AGBL3: variants seen among roughly 807,000 people sequenced by gnomAD.
AGBL3 encodes cytosolic carboxypeptidase 3.
A neutral mutation model predicts 94.5 loss-of-function variants in AGBL3; 68 were observed. The observed-to-expected ratio is 0.72, with a 90% CI of 0.59 to 0.88. The LOEUF is 0.88. Among genes scored for constraint, AGBL3 ranks in the 40% least tolerant of loss-of-function variants. The probability of loss-of-function intolerance (pLI) is 0.00; values close to 1 mark genes in which losing one functional copy is unlikely to be tolerated. For synonymous variants in AGBL3, 354 were observed against 370.7 expected (o/e 0.95, Z 0.52); for missense variants, 934 against 1,103.8 (o/e 0.85, Z 2.18).
intron 14 of AGBL3, among the ~76,000 whole-genome samples, chr7:135,081,402 G>A (rs576889470): frequency 3.3e-5 from 5 of 152,012 alleles, no homozygotes; most frequent in Admixed American, 2.0e-4. Context: ...CACCCCCAGT[G>A]TTAAACTTAC....
intron 15 of AGBL3, among the ~76,000 whole-genome samples, chr7:135,098,268 T>C (rs998163755): frequency 1.3e-5 from 2 of 152,190 alleles, no homozygotes; most frequent in Non-Finnish European, 2.9e-5. Context: ...TACCAAAATC[T>C]GCATATGCTC....
In AGBL3 at chr7:135,066,808, G is replaced by A. The variant is rs552972640; in HGVS notation, c.1908+7573G>A. Among the ~76,000 whole-genome samples, 14 of 152,328 alleles carry A rather than the reference G, an allele frequency of 9.2e-5. No homozygotes were observed. The South Asian group carries it at 2.9e-3, about 32-fold the overall frequency. ...AGCTCCAGTCTACAGTTCCCAGTGT[G>A]AGCGACGCAGAAGACAGGTGATTTC... On this transcript the variant is annotated intron_variant, in intron 12 of 16. Coordinates refer to ENST00000436302, the MANE Select transcript of AGBL3 (RefSeq NM_178563.4).
rs1015658261 is a variant in AGBL3 at position 135,009,939 on chromosome 7, C to A, written c.311-7113C>A. The A allele has an allele frequency of 1.1e-4, 42 of 389,352 alleles. 1 individual carries two copies. The Middle Eastern group carries it at 2.7e-3, about 25-fold the overall frequency. The allele number at this position is 389,352 out of a possible 1,614,324, so 24.1% of individuals were successfully genotyped here. Reference sequence around the variant, plus strand: ...GACTTTGGAGCATTTGGTTGCCCTGCAACCTCTTCTATGGTGGGTTGGCGA... The same window carrying A: ...GACTTTGGAGCATTTGGTTGCCCTGAAACCTCTTCTATGGTGGGTTGGCGA... On this transcript the variant is annotated intron_variant, in intron 4 of 16. Coordinates refer to ENST00000436302, the MANE Select transcript of AGBL3 (RefSeq NM_178563.4).
At chr7:135,128,996 CAA>C in intron 16 of AGBL3, 1 of 1,598,350 alleles carries the variant, frequency 6.3e-7, no homozygotes, top group South Asian at 1.1e-5. Context: ...ATGTGTACTG[CAA>C]AGACTGTCTG....
chr7:135,030,158 TAAAAA>T (rs74392929), intron 5 of AGBL3, among the ~76,000 whole-genome samples: 2 of 117,422 alleles, frequency 1.7e-5, no homozygotes, highest in African/African-American at 6.1e-5. Flanking sequence ...TTTAATTTGT[TAAAAA>T]AAAAAAAAAA....
chr7:135,034,918 A>G lies in AGBL3; in HGVS notation c.1327A>G (p.Met443Val), dbSNP rs775951620. The G allele has an allele frequency of 4.0e-6, 6 of 1,511,150 alleles. No homozygotes were observed. The highest frequency in any genetic ancestry group is 5.3e-6 in the Non-Finnish European group (6 of 1,130,532). 93.6% of individuals were successfully genotyped at this position (1,511,150 alleles called of 1,614,324 possible). Residue 443 changes from methionine (M) to valine (V), a missense_variant, in exon 7 of 17, where the codon ATG becomes GTG. Physicochemically the swap from Met to Val is conservative, Grantham distance 21 (BLOSUM62 1). This residue lies in a region of AGBL3 where 488 missense variants were observed against 563.6 expected (regional missense o/e 0.87). Transcript: ENST00000436302. ...TCCTTCTGTATGGTATACCCGGAAC[A>G]TGGTTCATAGGTAAAATAAGCCTCA... Reference protein sequence around the residue: ...SFPSVWYTRNMVHRLMEKREV... With the variant: ...SFPSVWYTRNVVHRLMEKREV...
intron 15 of AGBL3, among the ~76,000 whole-genome samples, chr7:135,098,041 A>G (rs1254221809): frequency 6.6e-6 from 1 of 152,190 alleles, no homozygotes; most frequent in Non-Finnish European, 1.5e-5. Flanking sequence ...TATTTTAGAT[A>G]TGGAGACCCT....
intron 16 of AGBL3, among the ~76,000 whole-genome samples, chr7:135,130,728 C>A (rs1470282775): frequency 1.3e-5 from 2 of 151,982 alleles, no homozygotes; most frequent in African/African-American, 4.8e-5. Context: ...CACTGTAGTT[C>A]CAGTCCTAAT....
At chr7:135,007,773 T>C (rs1812578679) in intron 4 of AGBL3, among the ~76,000 whole-genome samples, 1 of 151,892 alleles carries the variant, frequency 6.6e-6, no homozygotes, top group African/African-American at 2.4e-5. Context: ...AGCAATCCAC[T>C]GAAAAAAACT....
chr7:135,074,597 C>T (rs946353343), intron 12 of AGBL3, among the ~76,000 whole-genome samples: 72 of 152,118 alleles, frequency 4.7e-4, no homozygotes, highest in Non-Finnish European at 1.8e-4. Flanking sequence ...CCAATCTTTC[C>T]CTCTCTCCTC....
intron 12 of AGBL3, among the ~76,000 whole-genome samples, chr7:135,072,168 C>G (rs1819978704): frequency 6.6e-6 from 1 of 152,200 alleles, no homozygotes; most frequent in South Asian, 2.1e-4. Flanking sequence ...AAAAAATGCT[C>G]ATCATCACTG....
At chr7:134,988,432 C>T (rs1237932682) in intron 2 of AGBL3, 3 of 152,312 alleles carry the variant, frequency 2.0e-5, no homozygotes, top group Non-Finnish European at 4.4e-5. Flanking sequence ...AAGGAAGAGA[C>T]ATGGAAGAAG....
intron 15 of AGBL3, among the ~76,000 whole-genome samples, chr7:135,114,502 A>C (rs1405689937): frequency 2.3e-5 from 1 of 43,600 alleles, no homozygotes; most frequent in Non-Finnish European, 5.5e-5. Context: ...GATTTCTAAC[A>C]TGCTCTTCCC....
At chr7:135,029,296 G>A (rs1815478036) in intron 5 of AGBL3, among the ~76,000 whole-genome samples, 1 of 152,212 alleles carries the variant, frequency 6.6e-6, no homozygotes, top group Admixed American at 6.5e-5. Context: ...AAGGCTGATT[G>A]TCTACATTGA....
chr7:135,008,761 T>C (rs1368152900), intron 4 of AGBL3, among the ~76,000 whole-genome samples: 1 of 152,166 alleles, frequency 6.6e-6, no homozygotes, highest in Non-Finnish European at 1.5e-5. Flanking sequence ...GACTTCTATC[T>C]AGACTATATA....
intron 5 of AGBL3, among the ~76,000 whole-genome samples, chr7:135,020,072 T>A (rs966135388): frequency 1.3e-5 from 2 of 152,136 alleles, no homozygotes; most frequent in African/African-American, 4.8e-5. Flanking sequence ...GGGATCTAAT[T>A]AAACTAAAGA....
intron 4 of AGBL3, among the ~76,000 whole-genome samples, chr7:135,016,131 G>T (rs757241285): frequency 6.6e-6 from 1 of 151,888 alleles, no homozygotes; most frequent in Non-Finnish European, 1.5e-5. Context: ...TATTTTATTA[G>T]TTCATTAATT....
chr7:135,129,457 T>C (rs1410352256), intron 16 of AGBL3: 2 of 778,564 alleles, frequency 2.6e-6, no homozygotes, highest in Non-Finnish European at 2.4e-6. Context: ...AAGGAGTGGC[T>C]AGAGAAAAAC....
intron 4 of AGBL3, among the ~76,000 whole-genome samples, chr7:135,009,205 C>T (rs1382785378): frequency 6.6e-6 from 1 of 152,132 alleles, no homozygotes; most frequent in Non-Finnish European, 1.5e-5. Context: ...TTTCTTAGTG[C>T]CACATGGTGG....
Sources: allele counts gnomAD v4.1 joint callset (sites outside exome capture counted in the v4.1 genomes callset), GRCh38; gene constraint gnomAD v4.1.1; regional missense constraint gnomAD v4.1.1; transcripts MANE v1.5; gene names NCBI Gene and HGNC (gene_info 2026-07-23, HGNC 2026-07-21).